Variants in LEPR observed in about 807,000 individuals in gnomAD.
LEPR encodes the protein leptin receptor.
A neutral mutation model predicts 114.7 loss-of-function variants in LEPR; 56 were observed. The observed-to-expected ratio is 0.49, with a 90% CI of 0.39 to 0.61. The LOEUF is 0.61. LEPR is among the 20% of genes least tolerant of loss of function. LEPR has a pLI of 0.00. For missense variants in LEPR, 1,202 were observed against 1,352.9 expected (o/e 0.89, Z 1.75); for synonymous variants, 443 against 461.4 (o/e 0.96, Z 0.51).
At chr1:65,554,069 T>C (rs1340061196) in intron 2 of LEPR, among the ~76,000 whole-genome samples, 1 of 152,152 alleles carries the variant, frequency 6.6e-6, no homozygotes, top group Non-Finnish European at 1.5e-5. Context: ...GCCTGTTCCT[T>C]TCTCTGGCAG....
At chr1:65,473,089 C>T (rs1211276178) in intron 2 of LEPR, among the ~76,000 whole-genome samples, 2 of 152,158 alleles carry the variant, frequency 1.3e-5, no homozygotes, top group Non-Finnish European at 2.9e-5. Flanking sequence ...CTTTAGCTTC[C>T]ACAAAAAGCA....
intron 2 of LEPR, among the ~76,000 whole-genome samples, chr1:65,488,599 G>C (rs1356177605): frequency 2.0e-5 from 3 of 151,810 alleles, no homozygotes; most frequent in African/African-American, 7.3e-5. Flanking sequence ...AAAGTGCTAG[G>C]ATTACAGGTG....
At position 65,488,107 on chromosome 1, in the gene LEPR, C is replaced by CTCTTTCTT. The variant is rs1202835041; in HGVS notation, c.-21+62744_-21+62751dup. 2.0e-3 allele frequency among the ~76,000 whole-genome samples: 244 copies of CTCTTTCTT among 121,588 alleles called. 1 individual carries two copies. Among genetic ancestry groups the CTCTTTCTT allele is most frequent in the African/African-American group, 8.2e-3 (229 of 27,954 alleles). 79.8% of individuals were successfully genotyped at this position (121,588 alleles called of 152,430 possible). Reference sequence around the variant, plus strand: ...TCTTCCTTTCTTTCCTTCTTTCTTTCTCTTTCTTTCTTTCTTTCTTTCCCT... The same window carrying CTCTTTCTT: ...TCTTCCTTTCTTTCCTTCTTTCTTTCTCTTTCTTTCTTTCTTTCTTTCTTTCTTTCCCT... On this transcript the variant is annotated intron_variant, in intron 2 of 19. Coordinates refer to ENST00000349533, the MANE Select transcript of LEPR (RefSeq NM_002303.6).
chr1:65,582,001 C>G (rs1197751387), intron 5 of LEPR, among the ~76,000 whole-genome samples: 2 of 152,198 alleles, frequency 1.3e-5, no homozygotes, highest in Non-Finnish European at 2.9e-5. Flanking sequence ...CTACTAACAG[C>G]CTGTTCGAGG....
chr1:65,539,322 A>T (rs1487589550), intron 2 of LEPR, among the ~76,000 whole-genome samples: 1 of 152,004 alleles, frequency 6.6e-6, no homozygotes, highest in Non-Finnish European at 1.5e-5. Flanking sequence ...TTTTTATAAA[A>T]GAAAAATTTA....
chr1:65,425,480 A>C (rs933264139), intron 2 of LEPR, 102 bp downstream of exon 2: 8 of 917,550 alleles, frequency 8.7e-6, no homozygotes, highest in Non-Finnish European at 1.3e-5. Context: ...AGTTCTAACC[A>C]GTGAGTTAGT....
intron 17 of LEPR, among the ~76,000 whole-genome samples, chr1:65,621,148 C>T (rs1003420682): frequency 7.9e-5 from 12 of 152,144 alleles, no homozygotes; most frequent in Non-Finnish European, 8.8e-5. Flanking sequence ...TGCTAATTTA[C>T]AGTAGATATG....
At chr1:65,576,149 G>T in intron 5 of LEPR, 1 of 174,178 alleles carries the variant, frequency 5.7e-6, no homozygotes. Flanking sequence ...CCACTGTTGT[G>T]AGGAGGAGCC....
chr1:65,469,518 G>T (rs190221602), intron 2 of LEPR, among the ~76,000 whole-genome samples: 2 of 152,232 alleles, frequency 1.3e-5, no homozygotes, highest in African/African-American at 2.4e-5. Context: ...TAAATACTCG[G>T]GTTCTCTTGA....
chr1:65,512,448 T>A (rs1219381680), intron 2 of LEPR, among the ~76,000 whole-genome samples: 2 of 152,058 alleles, frequency 1.3e-5, no homozygotes. Flanking sequence ...CTCAGCAAGG[T>A]GTAGGAGCAG....
intron 2 of LEPR, among the ~76,000 whole-genome samples, chr1:65,461,290 T>C (rs1374321117): frequency 6.6e-6 from 1 of 152,138 alleles, no homozygotes; most frequent in Non-Finnish European, 1.5e-5. Context: ...TCCAGTTGTC[T>C]AATACCATTC....
chr1:65,614,203 T>C (rs985084739), intron 14 of LEPR, among the ~76,000 whole-genome samples: 2 of 152,214 alleles, frequency 1.3e-5, no homozygotes, highest in Admixed American at 6.5e-5. Context: ...AACTAAGATA[T>C]CCTTCAAAAA....
chr1:65,475,059 GAA>G (rs11335638), intron 2 of LEPR, among the ~76,000 whole-genome samples: 5 of 128,550 alleles, frequency 3.9e-5, no homozygotes, highest in South Asian at 2.5e-4. Context: ...TTTGAAAGGT[GAA>G]AAAAAAAAAG....
In LEPR at chr1:65,610,075, T is replaced by A; in HGVS notation, c.1881T>A (p.Asn627Lys). The change falls in exon 13 of 20, where the codon AAT (asparagine) becomes AAA (lysine). Residue 627 changes from asparagine (N) to lysine (K), a missense_variant. By Grantham distance (94) the Asn-to-Lys change is moderately conservative. Transcript: ENST00000349533. ...TGGGATATTGGAGTAATTGGAGCAA[T>A]CCAGCCTACACAGTTGTCATGGATA... ...DGLGYWSNWS[N>K]PAYTVVMDIK... The A allele has an allele frequency of 6.2e-7, 1 of 1,614,214 alleles. No homozygotes were observed. The highest frequency in any genetic ancestry group is 8.5e-7 in the Non-Finnish European group (1 of 1,180,026).
intron 2 of LEPR, among the ~76,000 whole-genome samples, chr1:65,451,185 G>T (rs912239746): frequency 3.4e-4 from 52 of 152,054 alleles, no homozygotes; most frequent in Admixed American, 6.6e-4. Context: ...TAGCCCTTTG[G>T]CAGATGAGTA....
chr1:65,630,495 T>A (rs964622891), intron 19 of LEPR: 1 of 152,126 alleles, frequency 6.6e-6, no homozygotes, highest in African/African-American at 2.4e-5. Flanking sequence ...GTTCTTTTTT[T>A]ATTTAATGTG....
chr1:65,572,523 AT>A lies in LEPR; in HGVS notation c.494+76del, dbSNP rs1654273086. On this transcript the variant is annotated intron_variant, in intron 5 of 19. Coordinates refer to ENST00000349533, the MANE Select transcript of LEPR (RefSeq NM_002303.6). ...AAAGAGCTTTCATATACGGAAGTAGATTATAAACCTCTTGCATCCCTACATT... is the reference window on the plus strand; with the variant it reads ...AAAGAGCTTTCATATACGGAAGTAGATATAAACCTCTTGCATCCCTACATT... The A allele has an allele frequency of 2.2e-6, 3 of 1,378,754 alleles. No homozygotes were observed. In the African/African-American group the frequency reaches 4.4e-5, roughly 20 times the overall value. The allele number at this position is 1,378,754 out of a possible 1,614,324, so 85.4% of individuals were successfully genotyped here.
intron 2 of LEPR, among the ~76,000 whole-genome samples, chr1:65,504,897 T>C (rs1421468001): frequency 6.6e-6 from 1 of 152,174 alleles, no homozygotes; most frequent in Non-Finnish European, 1.5e-5. Context: ...ATCTAAATCT[T>C]TTAAAATAAA....
intron 2 of LEPR, among the ~76,000 whole-genome samples, chr1:65,541,664 T>G (rs1249588450): frequency 1.3e-5 from 2 of 152,192 alleles, no homozygotes; most frequent in Non-Finnish European, 2.9e-5. Context: ...TTTATTTTGT[T>G]AAATTTTTGA....
Sources: gnomAD v4.1 joint callset for allele counts (sites outside exome capture counted in the v4.1 genomes callset) on GRCh38, gnomAD v4.1.1 for gene constraint, MANE v1.5 for transcripts, NCBI Gene and HGNC (gene_info 2026-07-23, HGNC 2026-07-21) for gene names.